Variants in ERICH3 observed in about 807,000 individuals in gnomAD.
ERICH3 encodes the protein glutamate rich 3, also known as glutamate-rich protein 3.
In ERICH3, 126 loss-of-function variants were observed where a neutral mutation model predicts 131.1. The observed-to-expected ratio is 0.96, with a 90% CI of 0.83 to 1.11. The LOEUF (loss-of-function observed/expected upper bound fraction) is 1.11, where lower values mean the gene tolerates loss of function less well. Ranked by LOEUF, ERICH3 falls within the 50% of genes most tolerant of loss-of-function variation. The pLI, the probability that ERICH3 is intolerant of heterozygous loss-of-function variation, is 0.00. For synonymous variants in ERICH3, 695 were observed against 644.6 expected (o/e 1.08, Z -1.18); for missense variants, 2,050 against 1,810.7 (o/e 1.13, Z -2.40).
chr1:74,594,200 T>G (rs1647738158), intron 11 of ERICH3, among the ~76,000 whole-genome samples: 1 of 152,084 alleles, frequency 6.6e-6, no homozygotes, highest in South Asian at 2.1e-4. Context: ...TGCTATTTTA[T>G]GAAAATATAC....
intron 10 of ERICH3, among the ~76,000 whole-genome samples, chr1:74,601,204 A>G (rs1219037191): frequency 6.6e-6 from 1 of 151,910 alleles, no homozygotes; most frequent in Non-Finnish European, 1.5e-5. Flanking sequence ...ACAAACAGAA[A>G]CTACTAATAA....
At position 74,643,105 on chromosome 1, in the gene ERICH3, A is replaced by G; in HGVS notation, c.244-7T>C. 6.2e-7 allele frequency: 1 copy of G among 1,605,684 alleles called. No individual in the cohort carries two copies. The highest frequency in any genetic ancestry group is 8.5e-7 in the Non-Finnish European group (1 of 1,175,132). ...TTTCAAGCTGATGGTAACGCTAAGC[A>G]TACAGGAAAGAATAAAGGAGAGAAT... On this transcript the variant is annotated splice_region_variant and splice_polypyrimidine_tract_variant and intron_variant, in intron 3 of 14. Transcript: ENST00000326665.
intron 6 of ERICH3, among the ~76,000 whole-genome samples, chr1:74,632,520 A>G (rs1646349860): frequency 6.6e-6 from 1 of 151,970 alleles, no homozygotes; most frequent in South Asian, 2.1e-4. Context: ...ATAACTATAC[A>G]AGTTCACTAA....
intron 11 of ERICH3, among the ~76,000 whole-genome samples, chr1:74,595,551 A>G (rs1401605475): frequency 6.6e-6 from 1 of 152,058 alleles, no homozygotes; most frequent in Admixed American, 6.6e-5. Flanking sequence ...ATTAAAATAA[A>G]CTGTTAAAAT....
At chr1:74,646,516 A>C in intron 3 of ERICH3, 151 bp downstream of exon 3, 1 of 479,436 alleles carries the variant, frequency 2.1e-6, no homozygotes, top group Non-Finnish European at 3.3e-6. Context: ...TGCAGAAAGA[A>C]TCTCTCTTTT....
chr1:74,645,010 T>C, intron 3 of ERICH3, among the ~76,000 whole-genome samples: 1 of 152,022 alleles, frequency 6.6e-6, no homozygotes, highest in East Asian at 1.9e-4. Context: ...CCATCTACTA[T>C]GTCCTTTCAC....
At chr1:74,656,828 C>G (rs974730177) in intron 1 of ERICH3, among the ~76,000 whole-genome samples, 5 of 152,034 alleles carry the variant, frequency 3.3e-5, no homozygotes, top group Admixed American at 2.6e-4. Flanking sequence ...AAAATTGTAC[C>G]TATCTCTTTC....
chr1:74,628,949 CA>C (rs890988229), intron 7 of ERICH3, among the ~76,000 whole-genome samples: 9 of 151,972 alleles, frequency 5.9e-5, no homozygotes, highest in African/African-American at 2.2e-4. Context: ...AGACTAAACA[CA>C]TAAAAAGTCT....
chr1:74,602,049 A>G (rs1230970276), intron 10 of ERICH3, among the ~76,000 whole-genome samples: 3 of 151,820 alleles, frequency 2.0e-5, no homozygotes. Context: ...CACGATATGT[A>G]CTCCTTTGAC....
chr1:74,614,692 A>AG (rs61153711), intron 8 of ERICH3, among the ~76,000 whole-genome samples: 1 of 151,346 alleles, frequency 6.6e-6, no homozygotes, highest in African/African-American at 2.4e-5. Flanking sequence ...AAAAAAAAAA[A>AG]CTCTACACTA....
At chr1:74,646,412 C>T (rs1646483980) in intron 3 of ERICH3, among the ~76,000 whole-genome samples, 1 of 152,080 alleles carries the variant, frequency 6.6e-6, no homozygotes, top group African/African-American at 2.4e-5. Context: ...ATATTTTTCT[C>T]CAACTGAAAT....
chr1:74,631,841 T>C lies in ERICH3; in HGVS notation c.691A>G (p.Met231Val), dbSNP rs199571913. 23 of 1,613,430 alleles carry C rather than the reference T, an allele frequency of 1.4e-5. No individual in the cohort carries two copies. The highest frequency in any genetic ancestry group is 3.3e-5 in the Admixed American group (2 of 59,932). Residue 231 changes from methionine (M) to valine (V), a missense_variant, in exon 7 of 15, where the codon ATG becomes GTG. By Grantham distance (21) the Met-to-Val change is conservative. Transcript: ENST00000326665. The part of the protein sequence containing the change: ...SYQLPNINSY[M>V]MPIPPPLPPT... Reference sequence around the variant, plus strand: ...GGAAGTGGAGGAGGAATAGGCATCATGTAACTGTTAATGTTTGGAAGTTGA... The same window carrying C: ...GGAAGTGGAGGAGGAATAGGCATCACGTAACTGTTAATGTTTGGAAGTTGA...
At position 74,572,165 on chromosome 1, in the gene ERICH3, A is replaced by G; in HGVS notation, c.3545T>C (p.Leu1182Pro). The G allele has an allele frequency of 6.2e-7, 1 of 1,612,450 alleles. No homozygotes were observed. ...ALRKEGGGERLSEARDTEHKD... is the reference protein window; with the variant it reads ...ALRKEGGGERPSEARDTEHKD... ...GTGCTCTGTGTCTCTGGCTTCACTC[A>G]GTCTTTCCCCTCCTCCTTCTTTCCT... Residue 1182 changes from leucine to proline, a missense_variant, in exon 14 of 15, where the codon CTG becomes CCG. Coordinates refer to ENST00000326665, the MANE Select transcript of ERICH3 (RefSeq NM_001002912.5).
At chr1:74,655,495 A>G (rs1570912680) in intron 1 of ERICH3, among the ~76,000 whole-genome samples, 2 of 152,132 alleles carry the variant, frequency 1.3e-5, no homozygotes, top group Non-Finnish European at 2.9e-5. Flanking sequence ...ATGGCTGGTC[A>G]ACTATTTCTC....
chr1:74,645,383 G>GT (rs910157327), intron 3 of ERICH3, among the ~76,000 whole-genome samples: 12 of 150,744 alleles, frequency 8.0e-5, no homozygotes, highest in Non-Finnish European at 3.0e-5. Flanking sequence ...GATAAATATT[G>GT]TTTTTTTCTA....
chr1:74,646,339 G>A (rs1284382480), intron 3 of ERICH3, among the ~76,000 whole-genome samples: 1 of 152,034 alleles, frequency 6.6e-6, no homozygotes, highest in African/African-American at 2.4e-5. Flanking sequence ...TTTTAGAGTA[G>A]CCATTGTAAA....
At chr1:74,662,566 A>G (rs769028412) in intron 1 of ERICH3, among the ~76,000 whole-genome samples, 1 of 152,172 alleles carries the variant, frequency 6.6e-6, no homozygotes, top group Non-Finnish European at 1.5e-5. Context: ...ATTTTGTTAA[A>G]AAAAAGGAAA....
chr1:74,606,881 A>G lies in ERICH3; in HGVS notation c.1209T>C (p.Leu403=), dbSNP rs766262138. 6.2e-6 allele frequency: 10 copies of G among 1,612,054 alleles called. No homozygotes were observed. The highest frequency in any genetic ancestry group is 8.5e-6 in the Non-Finnish European group (10 of 1,179,022). The part of the protein sequence containing the change: ...PCYKCIIAMG[L]DKKPSLPKSR... The stretch of plus-strand genomic sequence containing the variant: ...ATTTCGGCAAAGACGGTTTTTTGTC[A>G]AGGCCCATTGCAATAATGCACCTAT... The change falls in exon 10 of 15, where the codon CTT becomes CTC. Residue 403 remains leucine, a synonymous_variant. Transcript: ENST00000326665.
chr1:74,657,856 A>G (rs970817366), intron 1 of ERICH3, among the ~76,000 whole-genome samples: 1 of 152,186 alleles, frequency 6.6e-6, no homozygotes, highest in Non-Finnish European at 1.5e-5. Context: ...ACATCTTTGA[A>G]CAGAAAAAAA....
Sources: gnomAD v4.1 joint callset for allele counts (sites outside exome capture counted in the v4.1 genomes callset) on GRCh38, gnomAD v4.1.1 for gene constraint, MANE v1.5 for transcripts, NCBI Gene and HGNC (gene_info 2026-07-23, HGNC 2026-07-21) for gene names.